The following TRIO variants were observed in gnomAD, a reference collection of about 807,000 sequenced individuals.
TRIO encodes the protein trio Rho guanine nucleotide exchange factor.
Under a neutral mutation model 351.9 loss-of-function variants are expected in TRIO, and 58 were observed. The ratio of observed to expected loss-of-function variants is 0.16; its 90% CI spans 0.13 to 0.21. TRIO has a LOEUF of 0.21. Ranked by LOEUF, TRIO falls within the 10% of genes least tolerant of loss-of-function variation. TRIO has a pLI of 1.00. For missense variants in TRIO, 3,201 were observed against 4,027.8 expected (o/e 0.79, Z 5.56); for synonymous variants, 1,758 against 1,595.7 (o/e 1.10, Z -2.42).
chr5:14,178,954 A>T (rs1789578581), intron 1 of TRIO, among the ~76,000 whole-genome samples: 1 of 152,200 alleles, frequency 6.6e-6, no homozygotes, highest in Non-Finnish European at 1.5e-5. Context: ...TGAGCCATGA[A>T]TCAGGATTTG....
At position 14,375,671 on chromosome 5, in the gene TRIO, T is replaced by C. The variant is rs142102700; in HGVS notation, c.3331+1328T>C. Among the ~76,000 whole-genome samples, 836 of 152,138 alleles carry C rather than the reference T, an allele frequency of 5.5e-3. 8 individuals are homozygous for C. Among genetic ancestry groups the C allele is most frequent in the African/African-American group, 0.019 (790 of 41,446 alleles). ...CAAGGAGGAGTCTCAGACCACGTGGTCAGAGGACCCCCAGGAGCTTGAGGA... is the reference window on the plus strand; with the variant it reads ...CAAGGAGGAGTCTCAGACCACGTGGCCAGAGGACCCCCAGGAGCTTGAGGA... On this transcript the variant is annotated intron_variant, in intron 19 of 56. Transcript: ENST00000344204.
intron 2 of TRIO, among the ~76,000 whole-genome samples, chr5:14,276,908 T>C (rs1735568128): frequency 2.0e-5 from 3 of 152,208 alleles, no homozygotes; most frequent in African/African-American, 7.2e-5. Context: ...AGGAAATAAG[T>C]GTCACACAGA....
chr5:14,354,068 C>G (rs1743390581), intron 11 of TRIO, among the ~76,000 whole-genome samples: 1 of 152,210 alleles, frequency 6.6e-6, no homozygotes, highest in Non-Finnish European at 1.5e-5. Context: ...CTGCTGATCT[C>G]CCAGTTCAGG....
chr5:14,267,541 T>C (rs1261105844), intron 1 of TRIO, among the ~76,000 whole-genome samples: 3 of 152,204 alleles, frequency 2.0e-5, no homozygotes, highest in African/African-American at 7.2e-5. Flanking sequence ...TAATCTAGAA[T>C]CTGTGGAATA....
chr5:14,489,100 A>G, intron 48 of TRIO: 1 of 758,478 alleles, frequency 1.3e-6, no homozygotes, highest in Non-Finnish European at 2.4e-6. Flanking sequence ...TAATGAGTGT[A>G]TGTTTGAACG....
intron 55 of TRIO, 150 bp downstream of exon 55, chr5:14,504,743 T>G: frequency 1.0e-6 from 1 of 967,558 alleles, no homozygotes; most frequent in Admixed American, 2.8e-5. Context: ...AGCCCGCAGT[T>G]TTCAAGCCTT....
intron 49 of TRIO, among the ~76,000 whole-genome samples, chr5:14,494,956 G>A (rs1432146782): frequency 6.6e-6 from 1 of 152,250 alleles, no homozygotes; most frequent in Non-Finnish European, 1.5e-5. Context: ...ACCATAGGCA[G>A]TGATGCCTCC....
In TRIO at chr5:14,461,163, G is replaced by A; in HGVS notation, c.5348G>A (p.Arg1783Gln). 1 of 1,557,394 alleles carries A rather than the reference G, an allele frequency of 6.4e-7. No individual in the cohort carries two copies. Among genetic ancestry groups the A allele is most frequent in the Non-Finnish European group, 8.7e-7 (1 of 1,151,210 alleles). Residue 1783 changes from arginine (R) to glutamine (Q), a missense_variant, in exon 35 of 57, where the codon CGG becomes CAG. This residue lies in a region of TRIO where 193 missense variants were observed against 218.8 expected (regional missense o/e 0.88). Transcript: ENST00000344204. ...AAGTGGCTCACCAGCCCCGTGCGGC[G>A]GCTCAGCAGCGGCAAGGCCGACGGG... is the stretch of plus-strand genomic sequence containing the variant. Reference protein sequence around the residue: ...LRKWLTSPVRRLSSGKADGHV... With the variant: ...LRKWLTSPVRQLSSGKADGHV...
chr5:14,352,017 C>T (rs922282494), intron 11 of TRIO, among the ~76,000 whole-genome samples: 4 of 152,234 alleles, frequency 2.6e-5, no homozygotes, highest in Non-Finnish European at 5.9e-5. Flanking sequence ...GGATTTCTTC[C>T]AGCAGAGCTG....
chr5:14,245,866 C>T (rs1220444458), intron 1 of TRIO, among the ~76,000 whole-genome samples: 1 of 152,198 alleles, frequency 6.6e-6, no homozygotes, highest in African/African-American at 2.4e-5. Context: ...CAGGTGATGT[C>T]CGTTCCAGGT....
At chr5:14,255,252 G>C (rs767172379) in intron 1 of TRIO, among the ~76,000 whole-genome samples, 5 of 152,322 alleles carry the variant, frequency 3.3e-5, no homozygotes, top group Admixed American at 3.3e-4. Flanking sequence ...GGGAAAGTGC[G>C]TAAACGGTAA....
intron 1 of TRIO, among the ~76,000 whole-genome samples, chr5:14,146,538 A>G (rs1049190294): frequency 5.3e-5 from 8 of 152,232 alleles, no homozygotes; most frequent in Non-Finnish European, 1.2e-4. Flanking sequence ...GTTGGATGAA[A>G]GAAAGAGAAG....
At position 14,359,545 on chromosome 5, in the gene TRIO, G is replaced by A. The variant is rs757521518; in HGVS notation, c.2391+14G>A. On this transcript the variant is annotated intron_variant, in intron 13 of 56. Transcript: ENST00000344204. ...GACGCCATCGACGTGAGTGTCCCGC[G>A]GCTGGCGCCTGCCTGCCTGTGGGAG... 1.6e-5 allele frequency: 26 copies of A among 1,610,186 alleles called. No individual in the cohort carries two copies. The highest frequency in any genetic ancestry group is 2.2e-5 in the East Asian group (1 of 44,818).
At chr5:14,275,882 A>ATATG (rs1491394219) in intron 2 of TRIO, among the ~76,000 whole-genome samples, 1 of 145,364 alleles carries the variant, frequency 6.9e-6, no homozygotes, top group Non-Finnish European at 1.5e-5. Context: ...ATATATATAT[A>ATATG]TGTTTATATA....
chr5:14,171,904 A>G (rs758147609), intron 1 of TRIO, among the ~76,000 whole-genome samples: 18 of 152,148 alleles, frequency 1.2e-4, no homozygotes, highest in Non-Finnish European at 2.4e-4. Context: ...AAGATTATGT[A>G]TACACACTCT....
chr5:14,480,087 G>A, intron 43 of TRIO, 76 bp downstream of exon 43: 3 of 1,342,030 alleles, frequency 2.2e-6, no homozygotes, highest in South Asian at 1.2e-5. Context: ...GGGGAAAGAA[G>A]GATTTGGTAG....
At chr5:14,228,989 T>C (rs757871278) in intron 1 of TRIO, among the ~76,000 whole-genome samples, 3 of 152,238 alleles carry the variant, frequency 2.0e-5, no homozygotes, top group Non-Finnish European at 4.4e-5. Context: ...GTTCATAAAA[T>C]GAAAGAGACT....
rs765766789 is a variant in TRIO, at chr5:14,485,170, A to G, written c.6759A>G (p.Ser2253=). ...TGGTAGAGACCTTCATTTTGCATTC[A>G]TCTAGTCCAAGTGTCCGGCAAACTT... ...GDVVETFILH[S]SSPSVRQTWI... is the part of the protein sequence containing the mutation. Residue 2253 remains serine (S), a synonymous_variant, in exon 47 of 57, where the codon TCA becomes TCG. Transcript: ENST00000344204. The G allele has an allele frequency of 6.3e-6, 10 of 1,594,426 alleles. 1 individual carries two copies. In the East Asian group the frequency reaches 2.3e-4, roughly 36 times the overall value.
In TRIO at chr5:14,492,296, C is replaced by T. The variant is rs1017212699; in HGVS notation, c.7633-271C>T. The T allele has an allele frequency of 1.4e-4, 65 of 480,500 alleles. 4 individuals are homozygous for T. The highest frequency in any genetic ancestry group is 1.3e-3 in the South Asian group (58 of 43,966). The allele number at this position is 480,500 out of a possible 1,614,324, so 29.8% of individuals were successfully genotyped here. A position where few individuals can be genotyped will look rare whatever the true frequency, so the allele number is the denominator to read the frequency against. ...GGGTGCAAGGAAGACCACAGTGGAACGAGCTTCCAAAACCAAAGAGTCATT... is the reference window on the plus strand; with the variant it reads ...GGGTGCAAGGAAGACCACAGTGGAATGAGCTTCCAAAACCAAAGAGTCATT... On this transcript the variant is annotated intron_variant, in intron 48 of 56. Coordinates refer to ENST00000344204, the MANE Select transcript of TRIO (RefSeq NM_007118.4).
Sources: allele counts gnomAD v4.1 joint callset (sites outside exome capture counted in the v4.1 genomes callset), GRCh38; gene constraint gnomAD v4.1.1; regional missense constraint gnomAD v4.1.1; transcripts MANE v1.5; gene names NCBI Gene and HGNC (gene_info 2026-07-23, HGNC 2026-07-21).